The following FHL2 variants were observed in gnomAD, a reference collection of about 807,000 sequenced individuals.
The protein encoded by FHL2 is four and a half LIM domains 2.
Under a neutral mutation model 32.7 loss-of-function variants are expected in FHL2, and 20 were observed. The ratio of observed to expected loss-of-function variants is 0.61; its 90% confidence interval spans 0.43 to 0.89. The LOEUF (loss-of-function observed/expected upper bound fraction) is 0.89. FHL2 is among the 40% of genes least tolerant of loss of function. The pLI is 0.00. For missense variants in FHL2, 311 were observed against 358.6 expected (o/e 0.87, Z 1.07); for synonymous variants, 123 against 128.1 (o/e 0.96, Z 0.27).
chr2:105,438,075 T>C (rs1024133702), intron 1 of FHL2, among the ~76,000 whole-genome samples: 17 of 152,214 alleles, frequency 1.1e-4, no homozygotes, highest in African/African-American at 3.9e-4. Flanking sequence ...CAAAACAGAT[T>C]CCCACTGAAA....
intron 1 of FHL2, among the ~76,000 whole-genome samples, chr2:105,410,907 A>G (rs565338479): frequency 3.9e-5 from 6 of 152,338 alleles, no homozygotes; most frequent in African/African-American, 1.4e-4. Flanking sequence ...TATTTTAGGA[A>G]GCCAAGTGCT....
chr2:105,430,900 C>T (rs1388987823), intron 1 of FHL2, among the ~76,000 whole-genome samples: 1 of 152,166 alleles, frequency 6.6e-6, no homozygotes, highest in Non-Finnish European at 1.5e-5. Flanking sequence ...TAGGCCATAC[C>T]CATTATGTCC....
intron 3 of FHL2, among the ~76,000 whole-genome samples, chr2:105,382,766 G>A (rs1341057505): frequency 6.6e-6 from 1 of 152,142 alleles, no homozygotes; most frequent in Admixed American, 6.5e-5. Flanking sequence ...TCATGGCATT[G>A]CTTGCAGACC....
chr2:105,397,482 G>A (rs907047340), intron 1 of FHL2, among the ~76,000 whole-genome samples: 3 of 152,172 alleles, frequency 2.0e-5, no homozygotes, highest in East Asian at 1.9e-4. Context: ...TGAGGGACCC[G>A]GATGTAAATT....
intron 1 of FHL2, among the ~76,000 whole-genome samples, chr2:105,432,298 C>T (rs1385309832): frequency 6.6e-6 from 1 of 152,216 alleles, no homozygotes; most frequent in Non-Finnish European, 1.5e-5. Context: ...GAGTTTGTCT[C>T]ATGCACTTTC....
At chr2:105,413,646 T>C (rs1461860639) in intron 1 of FHL2, among the ~76,000 whole-genome samples, 1 of 152,120 alleles carries the variant, frequency 6.6e-6, no homozygotes, top group African/African-American at 2.4e-5. Flanking sequence ...TAATCTTTTT[T>C]TAATTTTTGT....
intron 1 of FHL2, among the ~76,000 whole-genome samples, chr2:105,424,201 C>G (rs1441149473): frequency 2.6e-5 from 4 of 152,154 alleles, no homozygotes; most frequent in Admixed American, 6.5e-5. Flanking sequence ...ACAACCCCAT[C>G]AAAAAGTGGG....
At chr2:105,421,070 T>C (rs1333569424) in intron 1 of FHL2, among the ~76,000 whole-genome samples, 1 of 152,230 alleles carries the variant, frequency 6.6e-6, no homozygotes, top group East Asian at 1.9e-4. Context: ...CCCTGTCCTA[T>C]ACTGGATCCA....
chr2:105,429,287 C>T (rs1349499529), intron 1 of FHL2, among the ~76,000 whole-genome samples: 1 of 152,172 alleles, frequency 6.6e-6, no homozygotes, highest in Non-Finnish European at 1.5e-5. Context: ...CCAAAATGTG[C>T]ACATCTGAAT....
chr2:105,403,265 G>C (rs1416171087), upstream of FHL2, among the ~76,000 whole-genome samples: 1 of 152,234 alleles, frequency 6.6e-6, no homozygotes, highest in Non-Finnish European at 1.5e-5. Flanking sequence ...ATCCTGTTCA[G>C]ATCCTGTTTC....
chr2:105,401,108 A>C (rs1210148793), upstream of FHL2, among the ~76,000 whole-genome samples: 1 of 150,440 alleles, frequency 6.6e-6, no homozygotes, highest in Non-Finnish European at 1.5e-5. Context: ...CTAATCAAAG[A>C]ATAAACTAGT....
chr2:105,395,826 T>C (rs1462592327), intron 2 of FHL2, among the ~76,000 whole-genome samples: 1 of 152,086 alleles, frequency 6.6e-6, no homozygotes, highest in African/African-American at 2.4e-5. Context: ...GACGGGAGGA[T>C]CTTGAAGCCG....
At chr2:105,416,478 G>C (rs997809104) in intron 1 of FHL2, among the ~76,000 whole-genome samples, 6 of 152,160 alleles carry the variant, frequency 3.9e-5, no homozygotes, top group Admixed American at 6.5e-5. Context: ...TCTATAAATG[G>C]ATAGATTCTA....
chr2:105,378,793 C>T (rs1387325875), intron 3 of FHL2: 1 of 152,412 alleles, frequency 6.6e-6, no homozygotes, highest in African/African-American at 2.4e-5. Context: ...CCTATGCTCA[C>T]GTTCTTAAGT....
upstream of FHL2, among the ~76,000 whole-genome samples, chr2:105,402,092 TAC>T (rs1558721135): frequency 8.2e-6 from 1 of 121,590 alleles, no homozygotes; most frequent in African/African-American, 3.9e-5. Flanking sequence ...TGTGTATATA[TAC>T]GTGTATATAT....
intron 1 of FHL2, among the ~76,000 whole-genome samples, chr2:105,408,795 C>A (rs1683710416): frequency 6.6e-6 from 1 of 152,146 alleles, no homozygotes; most frequent in Non-Finnish European, 1.5e-5. Context: ...GATAGGGTGA[C>A]ATTTTTGGTA....
At chr2:105,364,271 A>G (rs1414231234) in intron 5 of FHL2, among the ~76,000 whole-genome samples, 1 of 152,040 alleles carries the variant, frequency 6.6e-6, no homozygotes, top group Admixed American at 6.6e-5. Flanking sequence ...AAACAAAACA[A>G]AACAAAACAA....
intron 1 of FHL2, among the ~76,000 whole-genome samples, chr2:105,422,228 G>C (rs1684125735): frequency 1.3e-5 from 2 of 152,182 alleles, no homozygotes; most frequent in Admixed American, 1.3e-4. Context: ...TATGCTTTGG[G>C]TTTTCAAGAT....
chr2:105,409,018 C>A (rs1181568332), intron 1 of FHL2, among the ~76,000 whole-genome samples: 2 of 152,094 alleles, frequency 1.3e-5, no homozygotes, highest in African/African-American at 4.8e-5. Context: ...TGCAAGAAAG[C>A]AGCAGGAGGT....
Sources: gnomAD v4.1 joint callset for allele counts (sites outside exome capture counted in the v4.1 genomes callset) on GRCh38, gnomAD v4.1.1 for gene constraint, MANE v1.5 for transcripts, NCBI Gene and HGNC (gene_info 2026-07-23, HGNC 2026-07-21) for gene names.